Variants in LGR5 observed in about 807,000 individuals in gnomAD.
LGR5 encodes leucine rich repeat containing G protein-coupled receptor 5.
In LGR5, 54 loss-of-function variants were observed where a neutral mutation model predicts 76.7. The ratio of observed to expected loss-of-function variants is 0.70; its 90% CI spans 0.57 to 0.88. The LOEUF is 0.88. LGR5 is among the 40% of genes least tolerant of loss of function. The pLI is 0.00. For synonymous variants in LGR5, 406 were observed against 421.9 expected (o/e 0.96, Z 0.46); for missense variants, 1,078 against 1,073.3 (o/e 1.00, Z -0.06).
intron 1 of LGR5, among the ~76,000 whole-genome samples, chr12:71,500,622 A>AT (rs966972178): frequency 4.6e-5 from 7 of 151,838 alleles, no homozygotes; most frequent in African/African-American, 1.7e-4. Flanking sequence ...TTATTTATTT[A>AT]TTTTTATTTT....
chr12:71,479,036 A>G (rs1873466731), intron 1 of LGR5, among the ~76,000 whole-genome samples: 1 of 152,230 alleles, frequency 6.6e-6, no homozygotes, highest in African/African-American at 2.4e-5. Flanking sequence ...ATTGCGAATC[A>G]GAGTAGAATC....
At chr12:71,558,974 T>C (rs1175577566) in intron 6 of LGR5, among the ~76,000 whole-genome samples, 1 of 152,206 alleles carries the variant, frequency 6.6e-6, no homozygotes, top group Non-Finnish European at 1.5e-5. Flanking sequence ...GAAAACATCC[T>C]ATTTCTGAAT....
chr12:71,491,036 A>G (rs1354099137), intron 1 of LGR5, among the ~76,000 whole-genome samples: 1 of 152,118 alleles, frequency 6.6e-6, no homozygotes, highest in Non-Finnish European at 1.5e-5. Flanking sequence ...AGCGAATAAG[A>G]GATCTGATCG....
chr12:71,583,948 TG>T lies in LGR5; in HGVS notation c.1939del (p.Ala647LeufsTer20). 6.2e-7 allele frequency: 1 copy of T among 1,614,246 alleles called. No individual in the cohort carries two copies. Among genetic ancestry groups the T allele is most frequent in the East Asian group, 2.2e-5 (1 of 44,886 alleles). On this transcript the variant is annotated frameshift_variant, in exon 18 of 18. Coordinates refer to ENST00000266674, the MANE Select transcript of LGR5 (RefSeq NM_003667.4). LOFTEE classifies it low-confidence loss of function (END_TRUNC). The part of the protein sequence containing the change: ...CHVIGFLSIF[A>X]SESSVFLLTL... ...ATGTCATTGGTTTTTTGTCCATTTTTGCTTCAGAATCATCTGTTTTCCTGCT... is the reference window on the plus strand; with the variant it reads ...ATGTCATTGGTTTTTTGTCCATTTTTCTTCAGAATCATCTGTTTTCCTGCT...
At chr12:71,455,031 G>A (rs1872410161) in intron 1 of LGR5, among the ~76,000 whole-genome samples, 1 of 151,908 alleles carries the variant, frequency 6.6e-6, no homozygotes, top group Non-Finnish European at 1.5e-5. Flanking sequence ...AGAAGTCCAG[G>A]TCTGTAGTTC....
At chr12:71,560,724 C>T (rs73337625) in intron 7 of LGR5, among the ~76,000 whole-genome samples, 6,464 of 152,202 alleles carry the variant, frequency 0.042, 210 homozygotes, top group African/African-American at 0.095. Context: ...ACCAGAGGGG[C>T]GGTGATTGCA....
intron 3 of LGR5, among the ~76,000 whole-genome samples, chr12:71,530,273 A>G (rs1406737455): frequency 6.6e-6 from 1 of 152,208 alleles, no homozygotes; most frequent in East Asian, 1.9e-4. Flanking sequence ...GCTAGAGGTA[A>G]AATGCTGAAC....
chr12:71,556,725 G>C, intron 6 of LGR5, 35 bp downstream of exon 6: 1 of 1,481,634 alleles, frequency 6.7e-7, no homozygotes, highest in Non-Finnish European at 9.4e-7. Flanking sequence ...CCTTTTTTCA[G>C]TATTTTCATG....
At chr12:71,492,789 G>GCAAGTATGTTTTAC (rs1565688552) in intron 1 of LGR5, among the ~76,000 whole-genome samples, 12 of 145,802 alleles carry the variant, frequency 8.2e-5, no homozygotes, top group African/African-American at 3.4e-4. Context: ...TTGATTTTGA[G>GCAAGTATGTTTTAC]TTATGATATG....
intron 4 of LGR5, among the ~76,000 whole-genome samples, chr12:71,536,593 G>A (rs1565731486): frequency 6.6e-6 from 1 of 152,206 alleles, no homozygotes; most frequent in Non-Finnish European, 1.5e-5. Flanking sequence ...TCAAGTTGGG[G>A]TATCTGTGTG....
rs73140436 is a variant in LGR5 at position 71,488,438 on chromosome 12, G to C, written c.213-16176G>C. Among the ~76,000 whole-genome samples, 837 of 152,284 alleles carry C rather than the reference G, an allele frequency of 5.5e-3. 5 individuals are homozygous for C. The highest frequency in any genetic ancestry group is 8.6e-3 in the Non-Finnish European group (584 of 68,028). Reference sequence around the variant, plus strand: ...GCAGTGTGAGTAGTAAGAAGAAATAGTATGGTCCCTTTCAATGAGGCTCAA... The same window carrying C: ...GCAGTGTGAGTAGTAAGAAGAAATACTATGGTCCCTTTCAATGAGGCTCAA... On this transcript the variant is annotated intron_variant, in intron 1 of 17. Coordinates refer to ENST00000266674, the MANE Select transcript of LGR5 (RefSeq NM_003667.4).
chr12:71,474,739 C>A (rs1565671802), intron 1 of LGR5, among the ~76,000 whole-genome samples: 1 of 152,150 alleles, frequency 6.6e-6, no homozygotes, highest in African/African-American at 2.4e-5. Flanking sequence ...GCTTGTAGGG[C>A]TTCTTTTAGA....
At chr12:71,524,057 G>A (rs534376469) in intron 2 of LGR5, among the ~76,000 whole-genome samples, 13 of 152,228 alleles carry the variant, frequency 8.5e-5, no homozygotes, top group African/African-American at 2.6e-4. Context: ...TGTAAAACTC[G>A]TGACAGTCAC....
intron 5 of LGR5, among the ~76,000 whole-genome samples, chr12:71,556,347 C>T (rs2137419269): frequency 6.6e-6 from 1 of 151,948 alleles, no homozygotes; most frequent in African/African-American, 2.4e-5. Context: ...AGCCTTGAAA[C>T]CCAAAGTTAC....
chr12:71,439,966 A>C lies in LGR5; in HGVS notation c.-115A>C. 1.1e-6 allele frequency: 1 copy of C among 918,250 alleles called. No individual in the cohort carries two copies. The highest frequency in any genetic ancestry group is 1.6e-6 in the Non-Finnish European group (1 of 621,856). The allele number at this position is 918,250 out of a possible 1,614,324, so 56.9% of individuals were successfully genotyped here. ...TCAGGAACGCGGCGTCTGGCGCTGCAGACGCCCGCTGAGTTGCAGAAGCCC... is the reference window on the plus strand; with the variant it reads ...TCAGGAACGCGGCGTCTGGCGCTGCCGACGCCCGCTGAGTTGCAGAAGCCC... On this transcript the variant is annotated 5_prime_UTR_variant, in exon 1 of 18. Transcript: ENST00000266674.
At chr12:71,494,725 T>C (rs1874235027) in intron 1 of LGR5, among the ~76,000 whole-genome samples, 1 of 151,050 alleles carries the variant, frequency 6.6e-6, no homozygotes, top group Middle Eastern at 3.2e-3. Flanking sequence ...TAAAATTCTA[T>C]CTACCTGAGG....
At chr12:71,446,152 C>G (rs923591182) in intron 1 of LGR5, among the ~76,000 whole-genome samples, 1 of 152,152 alleles carries the variant, frequency 6.6e-6, no homozygotes, top group Admixed American at 6.6e-5. Flanking sequence ...GCTGAACCAG[C>G]TGCTGAAATC....
At chr12:71,567,626 C>T (rs901194183) in intron 11 of LGR5, among the ~76,000 whole-genome samples, 13 of 152,104 alleles carry the variant, frequency 8.5e-5, no homozygotes, top group African/African-American at 1.2e-4. Flanking sequence ...GGCAATTGAG[C>T]GCCTGCAATT....
chr12:71,555,258 C>T (rs557994167), intron 5 of LGR5, among the ~76,000 whole-genome samples: 1 of 152,068 alleles, frequency 6.6e-6, no homozygotes, highest in African/African-American at 2.4e-5. Flanking sequence ...ATGCTACTGA[C>T]CCACCAGAAG....
Sources: gnomAD v4.1 joint callset for allele counts (sites outside exome capture counted in the v4.1 genomes callset) on GRCh38, gnomAD v4.1.1 for gene constraint, MANE v1.5 for transcripts, NCBI Gene and HGNC (gene_info 2026-07-23, HGNC 2026-07-21) for gene names.